MORC4: variants seen among roughly 807,000 people sequenced by gnomAD.
MORC4 encodes MORC family CW-type zinc finger 4.
In MORC4, 22 loss-of-function variants were observed where a neutral mutation model predicts 65.5. The observed-to-expected ratio is 0.34, with a 90% CI of 0.24 to 0.48. The LOEUF (loss-of-function observed/expected upper bound fraction) is 0.48, where lower values mean the gene tolerates loss of function less well. MORC4 is among the 20% of genes least tolerant of loss of function. MORC4 has a pLI of 0.99. For synonymous variants in MORC4, 267 were observed against 255.8 expected, an observed-to-expected ratio of 1.04 and a Z score of -0.42; for missense variants, 624 against 703.0, an observed-to-expected ratio of 0.89 and a Z score of 1.27.
chrX:106,950,166 A>G (rs1439110562), intron 14 of MORC4, among the ~76,000 whole-genome samples: 1 of 112,259 alleles, frequency 8.9e-6, no homozygotes, highest in Non-Finnish European at 1.9e-5. Context: ...ACCCAAGACT[A>G]TGATCCGAAG....
intron 14 of MORC4, among the ~76,000 whole-genome samples, chrX:106,949,040 G>A (rs890913069): frequency 9.0e-6 from 1 of 111,550 alleles, no homozygotes; most frequent in Non-Finnish European, 1.9e-5. Flanking sequence ...TTATGCATAT[G>A]TTGGTGCATT....
rs373811383 is a variant in MORC4, at chrX:106,976,682, T to G, written c.1059A>C (p.Pro353=). ...TTACTCCTACACCTTCTCCACGAGTTGGCTTAGAAGAAAATATTAATTTCA... is the reference window on the plus strand; with the variant it reads ...TTACTCCTACACCTTCTCCACGAGTGGGCTTAGAAGAAAATATTAATTTCA... ...SFEKVGCQVK[P]TRGEGVGVIG... Residue 353 remains proline, a splice_region_variant and synonymous_variant, in exon 9 of 17, where the codon CCA becomes CCC. Transcript: ENST00000355610. 6.5e-5 allele frequency: 77 copies of G among 1,187,870 alleles called. No individual in the cohort carries two copies. Among genetic ancestry groups the G allele is most frequent in the East Asian group, 5.1e-4 (17 of 33,637 alleles).
intron 14 of MORC4, among the ~76,000 whole-genome samples, chrX:106,950,378 A>G (rs1002645824): frequency 8.9e-6 from 1 of 111,947 alleles, no homozygotes; most frequent in African/African-American, 3.2e-5. Context: ...CTTTAGGTAG[A>G]GCTGTGGCAT....
chrX:106,982,613 T>C (rs1377856087), intron 5 of MORC4, among the ~76,000 whole-genome samples: 1 of 111,544 alleles, frequency 9.0e-6, no homozygotes, highest in East Asian at 2.8e-4. Context: ...AGAAACATTT[T>C]CTTAGAGACA....
At chrX:106,964,868 G>A (rs1184503924) in intron 9 of MORC4, among the ~76,000 whole-genome samples, 2 of 110,935 alleles carry the variant, frequency 1.8e-5, no homozygotes, top group Non-Finnish European at 3.8e-5. Flanking sequence ...AAGTAGCTGG[G>A]CATGGTGGTG....
At chrX:106,970,944 T>C (rs1262063728) in intron 9 of MORC4, among the ~76,000 whole-genome samples, 1 of 111,703 alleles carries the variant, frequency 9.0e-6, no homozygotes, top group African/African-American at 3.3e-5. Flanking sequence ...CTGACTTTCT[T>C]CACAGAATTG....
intron 9 of MORC4, among the ~76,000 whole-genome samples, chrX:106,965,209 T>C (rs888711074): frequency 2.7e-5 from 3 of 111,751 alleles, no homozygotes; most frequent in Non-Finnish European, 5.6e-5. Context: ...GATGGAGCTG[T>C]TAAAGGAGCA....
At chrX:106,999,369 A>T (rs750473876) in intron 2 of MORC4, among the ~76,000 whole-genome samples, 11 of 111,447 alleles carry the variant, frequency 9.9e-5, no homozygotes, top group Non-Finnish European at 1.9e-4. Context: ...CGAGGTTTTT[A>T]TGCATCTCCT....
intron 9 of MORC4, 54 bp from the exon 10 acceptor site, chrX:106,962,164 T>C: frequency 4.4e-6 from 4 of 905,488 alleles, no homozygotes; most frequent in Non-Finnish European, 6.4e-6. Context: ...GAGCAATTCT[T>C]TGATCTTTGA....
In MORC4 at chrX:106,995,192, T is replaced by G. The variant is rs12013565; in HGVS notation, c.176-1830A>C. Among the ~76,000 whole-genome samples the G allele has an allele frequency of 7.4e-3, 785 of 105,637 alleles. 6 individuals carry two copies. Among genetic ancestry groups the G allele is most frequent in the African/African-American group, 0.025 (746 of 29,488 alleles). The allele number at this position is 105,637 out of a possible 115,157, so 91.7% of individuals were successfully genotyped here. On this transcript the variant is annotated intron_variant, in intron 2 of 16. Transcript: ENST00000355610. ...TAGTAACTACTATTCCACTCTCTACTTCTAAGCTTATTGCAGTAACCTCCT... is the reference window on the plus strand; with the variant it reads ...TAGTAACTACTATTCCACTCTCTACGTCTAAGCTTATTGCAGTAACCTCCT...
At chrX:106,956,871 T>C (rs1464610240) in intron 12 of MORC4, 65 bp downstream of exon 12, 1 of 874,394 alleles carries the variant, frequency 1.1e-6, no homozygotes, top group Non-Finnish European at 1.6e-6. Context: ...AAAACTCCCG[T>C]CCTGTAAGGA....
intron 9 of MORC4, among the ~76,000 whole-genome samples, chrX:106,973,512 T>C (rs1426760192): frequency 9.0e-6 from 1 of 111,710 alleles, no homozygotes; most frequent in African/African-American, 3.3e-5. Flanking sequence ...ATATGAGATG[T>C]AAGTGGAATC....
At chrX:106,961,032 T>A (rs1330565053) in intron 10 of MORC4, among the ~76,000 whole-genome samples, 1 of 111,960 alleles carries the variant, frequency 8.9e-6, no homozygotes, top group Admixed American at 9.5e-5. Context: ...CTTACCTGAC[T>A]TGTCTGTCTT....
chrX:106,973,367 T>C (rs747053258), intron 9 of MORC4, among the ~76,000 whole-genome samples: 21 of 112,119 alleles, frequency 1.9e-4, no homozygotes, highest in Non-Finnish European at 3.4e-4. Flanking sequence ...CTCAGAGTAT[T>C]GCCCTTATGT....
intron 9 of MORC4, among the ~76,000 whole-genome samples, chrX:106,964,801 G>A (rs947445258): frequency 4.5e-5 from 5 of 111,841 alleles, no homozygotes; most frequent in African/African-American, 1.6e-4. Flanking sequence ...CCTGAGGCCA[G>A]GAGTTCGAGA....
At chrX:106,971,397 T>C (rs1439494460) in intron 9 of MORC4, among the ~76,000 whole-genome samples, 1 of 111,699 alleles carries the variant, frequency 9.0e-6, no homozygotes, top group African/African-American at 3.3e-5. Flanking sequence ...ATTCAGGACA[T>C]AGGCATGGGC....
rs1282642818 is a variant in MORC4 at position 106,942,700 on chromosome X, C to T, written c.2191G>A (p.Val731Met). 3 of 1,211,714 alleles carry T rather than the reference C, an allele frequency of 2.5e-6. No homozygotes were observed. In the South Asian group the frequency reaches 5.3e-5, roughly 21 times the overall value. Residue 731 changes from valine to methionine, a missense_variant, in exon 15 of 17, where the codon GTG becomes ATG. Transcript: ENST00000355610. ...RRKAVESWNP[V>M]PYSVASAAIP... is the part of the protein sequence containing the mutation. ...GCAGCAGAGGCCACAGAATAAGGCA[C>T]TGGGTTCCAGGATTCAACTGCTTTT... is the stretch of plus-strand genomic sequence containing the variant.
rs1262500065 is a variant in MORC4, at chrX:106,958,446, T to C, written c.1275A>G (p.Thr425=). The C allele has an allele frequency of 8.3e-7, 1 of 1,206,412 alleles. No homozygotes were observed. Among genetic ancestry groups the C allele is most frequent in the Non-Finnish European group, 1.1e-6 (1 of 892,321 alleles). ...ARPIPKVPDQ[T]WVQCDECLKW... is the part of the protein sequence containing the mutation. ...TAAGACACTCATCACACTGAACCCA[T>C]GTCTGGTCAGGAACCTTCCTGAATG... is the stretch of plus-strand genomic sequence containing the variant. The change falls in exon 11 of 17, where the codon ACA becomes ACG. Residue 425 remains threonine, a synonymous_variant. Transcript: ENST00000355610.
intron 2 of MORC4, among the ~76,000 whole-genome samples, chrX:106,994,285 A>G (rs1030501113): frequency 1.8e-5 from 2 of 111,769 alleles, no homozygotes; most frequent in Non-Finnish European, 3.8e-5. Context: ...ACTGGCCACA[A>G]TTGAGGGGCA....
Sources: gnomAD v4.1 joint callset for allele counts (sites outside exome capture counted in the v4.1 genomes callset) on GRCh38, gnomAD v4.1.1 for gene constraint, MANE v1.5 for transcripts, NCBI Gene and HGNC (gene_info 2026-07-23, HGNC 2026-07-21) for gene names.